Variants in MAGI1 observed in about 807,000 individuals in gnomAD.
The protein encoded by MAGI1 is membrane associated guanylate kinase, WW and PDZ domain containing 1, also known as membrane-associated guanylate kinase, WW and PDZ domain-containing protein 1.
In MAGI1, 58 loss-of-function variants were observed where a neutral mutation model predicts 139.9. The observed-to-expected ratio is 0.41, with a 90% CI of 0.34 to 0.52. The LOEUF (loss-of-function observed/expected upper bound fraction) is 0.52. MAGI1 is among the 20% of genes least tolerant of loss of function. MAGI1 has a pLI of 0.12. For missense variants in MAGI1, 1,874 were observed against 1,901.6 expected (o/e 0.99, Z 0.27); for synonymous variants, 812 against 737.9 (o/e 1.10, Z -1.63).
At chr3:65,677,378 C>T (rs1035491476) in intron 1 of MAGI1, among the ~76,000 whole-genome samples, 2 of 152,100 alleles carry the variant, frequency 1.3e-5, no homozygotes, top group South Asian at 2.1e-4. Flanking sequence ...AAGGCACAAA[C>T]GCCAAAGGCT....
intron 1 of MAGI1, among the ~76,000 whole-genome samples, chr3:65,876,259 C>T (rs2060112242): frequency 6.6e-6 from 1 of 152,038 alleles, no homozygotes; most frequent in Admixed American, 6.6e-5. Flanking sequence ...GAGTTCAATG[C>T]TACAGTGTGC....
At chr3:65,683,307 T>C (rs2087725512) in intron 1 of MAGI1, among the ~76,000 whole-genome samples, 1 of 152,106 alleles carries the variant, frequency 6.6e-6, no homozygotes, top group Non-Finnish European at 1.5e-5. Flanking sequence ...GTGATAATGA[T>C]GTGTCAGTGT....
At chr3:65,385,540 C>T (rs1943379975) in intron 14 of MAGI1, among the ~76,000 whole-genome samples, 1 of 152,030 alleles carries the variant, frequency 6.6e-6, no homozygotes, top group Non-Finnish European at 1.5e-5. Context: ...TTTAGGTTGG[C>T]GAAGAGATGT....
chr3:66,023,671 G>A (rs2107562462), intron 1 of MAGI1, among the ~76,000 whole-genome samples: 1 of 152,306 alleles, frequency 6.6e-6, no homozygotes, highest in East Asian at 1.9e-4. Context: ...CTATAGAAAA[G>A]TCCAAACAAG....
intron 5 of MAGI1, among the ~76,000 whole-genome samples, chr3:65,456,411 TC>T (rs1248161199): frequency 6.6e-6 from 1 of 151,644 alleles, no homozygotes; most frequent in African/African-American, 2.4e-5. Context: ...GTTTTGAGAG[TC>T]CTTTGTATAT....
chr3:65,835,923 T>G (rs57776187), intron 1 of MAGI1, among the ~76,000 whole-genome samples: 2,831 of 152,256 alleles, frequency 0.019, 94 homozygotes, highest in African/African-American at 0.065. Context: ...ATTCCTGTTT[T>G]AATTATAAAA....
intron 1 of MAGI1, among the ~76,000 whole-genome samples, chr3:65,905,443 G>A (rs191520334): frequency 1.3e-5 from 2 of 149,924 alleles, no homozygotes; most frequent in East Asian, 1.9e-4. Flanking sequence ...CTAATTAGCT[G>A]GGCATTGTGG....
chr3:65,485,248 C>G (rs1951554144), intron 3 of MAGI1, among the ~76,000 whole-genome samples: 1 of 152,164 alleles, frequency 6.6e-6, no homozygotes, highest in Non-Finnish European at 1.5e-5. Flanking sequence ...GCAATACTTT[C>G]TTTTTACTCT....
chr3:65,368,613 C>T (rs1429646516), intron 18 of MAGI1, among the ~76,000 whole-genome samples: 1 of 152,160 alleles, frequency 6.6e-6, no homozygotes. Context: ...ACAAAGGATA[C>T]AATTATTCCT....
chr3:65,463,169 T>C (rs958824621), intron 5 of MAGI1, among the ~76,000 whole-genome samples: 3 of 152,154 alleles, frequency 2.0e-5, no homozygotes, highest in Non-Finnish European at 2.9e-5. Flanking sequence ...GAGGGTATCC[T>C]TGTCTTGTGC....
intron 2 of MAGI1, among the ~76,000 whole-genome samples, chr3:65,540,374 GT>G (rs1010119630): frequency 3.3e-5 from 5 of 151,924 alleles, no homozygotes; most frequent in Non-Finnish European, 5.9e-5. Context: ...TATTTTGGGT[GT>G]TTTTTTCTAT....
chr3:65,742,955 T>C (rs1039928160), intron 1 of MAGI1, among the ~76,000 whole-genome samples: 3 of 152,188 alleles, frequency 2.0e-5, no homozygotes, highest in African/African-American at 7.2e-5. Context: ...AAAACAGATA[T>C]GAAAATTAGC....
chr3:66,025,014 A>C (rs1337260939), intron 1 of MAGI1, among the ~76,000 whole-genome samples: 1 of 152,218 alleles, frequency 6.6e-6, no homozygotes, highest in African/African-American at 2.4e-5. Flanking sequence ...AAAAAGAAAT[A>C]ATTCATGTGA....
intron 1 of MAGI1, among the ~76,000 whole-genome samples, chr3:65,858,191 A>T (rs1215595243): frequency 6.6e-6 from 1 of 152,224 alleles, no homozygotes; most frequent in Non-Finnish European, 1.5e-5. Flanking sequence ...CCTAAGCATA[A>T]ATGCCATCCT....
intron 2 of MAGI1, among the ~76,000 whole-genome samples, chr3:65,604,024 T>C (rs2082612786): frequency 6.6e-6 from 1 of 152,226 alleles, no homozygotes; most frequent in Admixed American, 6.5e-5. Context: ...ACGTGAATTT[T>C]GGGTGATACA....
At chr3:65,458,239 C>T (rs980436889) in intron 5 of MAGI1, among the ~76,000 whole-genome samples, 4 of 151,896 alleles carry the variant, frequency 2.6e-5, no homozygotes, top group Non-Finnish European at 2.9e-5. Context: ...ATGACTATGG[C>T]GAATAGTCCT....
intron 1 of MAGI1, among the ~76,000 whole-genome samples, chr3:65,801,515 A>C (rs972882715): frequency 3.9e-5 from 6 of 152,182 alleles, no homozygotes; most frequent in Non-Finnish European, 7.4e-5. Flanking sequence ...TTATAGGCCA[A>C]CTTGGCTGGA....
intron 1 of MAGI1, among the ~76,000 whole-genome samples, chr3:65,700,479 T>C (rs542859466): frequency 5.3e-5 from 8 of 151,930 alleles, no homozygotes; most frequent in Non-Finnish European, 1.0e-4. Context: ...ATAATAATAA[T>C]AACAATAGCA....
intron 1 of MAGI1, among the ~76,000 whole-genome samples, chr3:65,800,955 G>A (rs1434063990): frequency 1.3e-5 from 2 of 152,098 alleles, no homozygotes; most frequent in South Asian, 4.1e-4. Flanking sequence ...ATTTCCCCTG[G>A]GATAAAACAG....
Sources: allele counts gnomAD v4.1 joint callset (sites outside exome capture counted in the v4.1 genomes callset), GRCh38; gene constraint gnomAD v4.1.1; transcripts MANE v1.5; gene names NCBI Gene and HGNC (gene_info 2026-07-23, HGNC 2026-07-21).